Variants in CUL5 observed in about 807,000 individuals in gnomAD.
The protein encoded by CUL5 is cullin 5.
In CUL5, 26 loss-of-function variants were observed where a neutral mutation model predicts 108.8. The observed-to-expected ratio is 0.24, with a 90% CI of 0.18 to 0.33. CUL5 has a LOEUF of 0.33. CUL5 is among the 10% of genes least tolerant of loss of function. The pLI, the probability that CUL5 is intolerant of heterozygous loss-of-function variation, is 1.00. For synonymous variants in CUL5, 334 were observed against 298.0 expected, an observed-to-expected ratio of 1.12 and a Z score of -1.25; for missense variants, 524 against 909.2, an observed-to-expected ratio of 0.58 and a Z score of 5.45.
chr11:108,099,582 A>G (rs1220757119), intron 18 of CUL5, among the ~76,000 whole-genome samples: 1 of 152,176 alleles, frequency 6.6e-6, no homozygotes, highest in East Asian at 1.9e-4. Context: ...TTTTGTTGCT[A>G]AAATTTTTAG....
chr11:108,020,546 T>G (rs902746718), intron 1 of CUL5, among the ~76,000 whole-genome samples: 4 of 148,740 alleles, frequency 2.7e-5, no homozygotes, highest in African/African-American at 7.3e-5. Flanking sequence ...TTTTTTTTTT[T>G]TTGTTTTTTG....
At chr11:108,069,492 C>T (rs1863769497) in intron 7 of CUL5, among the ~76,000 whole-genome samples, 1 of 152,096 alleles carries the variant, frequency 6.6e-6, no homozygotes, top group Admixed American at 6.5e-5. Context: ...TAGATACCAA[C>T]TTGTGGATGA....
intron 12 of CUL5, among the ~76,000 whole-genome samples, 157 bp from the exon 13 acceptor site, chr11:108,089,335 A>G (rs564922517): frequency 2.3e-4 from 35 of 152,284 alleles, no homozygotes; most frequent in African/African-American, 8.4e-4. Flanking sequence ...GTGTATCAGG[A>G]CTGGGTATTT....
intron 3 of CUL5, 21 bp from the exon 4 acceptor site, chr11:108,049,869 T>C (rs1863167324): frequency 6.3e-7 from 1 of 1,581,916 alleles, no homozygotes. Context: ...TATTTCAAAT[T>C]GGTACACCTC....
chr11:108,062,532 T>A (rs1052459918), intron 7 of CUL5, among the ~76,000 whole-genome samples: 7 of 148,380 alleles, frequency 4.7e-5, no homozygotes, highest in African/African-American at 1.7e-4. Context: ...TTAAATATAA[T>A]TATAAATATA....
At chr11:108,031,316 G>A (rs1051806571) in intron 1 of CUL5, among the ~76,000 whole-genome samples, 5 of 149,316 alleles carry the variant, frequency 3.3e-5, no homozygotes, top group African/African-American at 1.2e-4. Flanking sequence ...AGTGAGCCAA[G>A]ATTATGCCAC....
chr11:108,026,293 A>G (rs76890945), intron 1 of CUL5, among the ~76,000 whole-genome samples: 14 of 152,092 alleles, frequency 9.2e-5, no homozygotes, highest in Admixed American at 3.9e-4. Context: ...CCTTAAATCC[A>G]TGACCACAAT....
At chr11:108,016,232 TTTCTC>T (rs149084814) in intron 1 of CUL5, among the ~76,000 whole-genome samples, 12,483 of 151,402 alleles carry the variant, frequency 0.082, 1,166 homozygotes, top group African/African-American at 0.23. Context: ...AGGTTTTTCT[TTTCTC>T]TTCTCTTCTC....
chr11:108,073,498 G>GTA lies in CUL5; in HGVS notation c.1113+7_1113+8dup, dbSNP rs1455349783. The GTA allele has an allele frequency of 1.4e-6, 2 of 1,436,854 alleles. No homozygotes were observed. The highest frequency in any genetic ancestry group is 1.4e-5 in the African/African-American group (1 of 69,970). The allele number at this position is 1,436,854 out of a possible 1,614,324, so 89.0% of individuals were successfully genotyped here. ...ACGATTTCTTACTGCAAGAGATAAGGTATATATTCCTATATATATAAAAAA... is the reference window on the plus strand; with the variant it reads ...ACGATTTCTTACTGCAAGAGATAAGGTATATATATTCCTATATATATAAAAAA... On this transcript the variant is annotated splice_donor_variant, in intron 10 of 18. Transcript: ENST00000393094. LOFTEE classifies it high-confidence loss of function.
chr11:108,048,958 C>T (rs1490901528), intron 3 of CUL5, among the ~76,000 whole-genome samples: 2 of 151,706 alleles, frequency 1.3e-5, no homozygotes, highest in East Asian at 3.9e-4. Context: ...AGCCACCGCA[C>T]CTGCCGTGAC....
At chr11:108,089,738 TAAG>T (rs1296554412) in intron 13 of CUL5, 115 bp downstream of exon 13, 1 of 618,626 alleles carries the variant, frequency 1.6e-6, no homozygotes, top group Non-Finnish European at 2.5e-6. Flanking sequence ...AAACATTTTA[TAAG>T]AATATAGCGT....
chr11:108,095,230 C>T (rs1343283139), intron 15 of CUL5, among the ~76,000 whole-genome samples: 3 of 152,148 alleles, frequency 2.0e-5, no homozygotes. Flanking sequence ...TTCCTGGCAA[C>T]AGAAAGCAAA....
In CUL5 at chr11:108,100,150, T is replaced by TA. The variant is rs200023147; in HGVS notation, c.2148+1629dup. ...AGAATGATTGAGAAACTTAAAAAAA[T>TA]AAAAAAAAGGTGGTAGTGGTGGAAC... On this transcript the variant is annotated intron_variant, in intron 18 of 18. Transcript: ENST00000393094. 4.2e-3 allele frequency among the ~76,000 whole-genome samples: 635 copies of TA among 151,124 alleles called. 7 individuals carry two copies. Among genetic ancestry groups the TA allele is most frequent in the African/African-American group, 0.014 (593 of 41,312 alleles).
chr11:108,018,185 T>A (rs1862248266), intron 1 of CUL5, among the ~76,000 whole-genome samples: 1 of 152,218 alleles, frequency 6.6e-6, no homozygotes, highest in Non-Finnish European at 1.5e-5. Context: ...CTGAATGATC[T>A]GCATTCTAAG....
chr11:108,057,187 A>G (rs118029055), intron 7 of CUL5, among the ~76,000 whole-genome samples: 2 of 152,198 alleles, frequency 1.3e-5, no homozygotes, highest in Non-Finnish European at 2.9e-5. Flanking sequence ...ACGTGCCACT[A>G]CACCTGGCTA....
At chr11:108,095,414 G>A (rs890282349) in intron 15 of CUL5, 116 bp from the exon 16 acceptor site, 3 of 678,136 alleles carry the variant, frequency 4.4e-6, no homozygotes, top group Non-Finnish European at 7.3e-6. Flanking sequence ...GTTTATTACT[G>A]TGAAAGAGTG....
At chr11:108,067,131 A>G (rs1214768965) in intron 7 of CUL5, among the ~76,000 whole-genome samples, 1 of 152,234 alleles carries the variant, frequency 6.6e-6, no homozygotes, top group African/African-American at 2.4e-5. Context: ...CTCTCAGTCT[A>G]TGTCCTCATA....
intron 11 of CUL5, among the ~76,000 whole-genome samples, chr11:108,084,530 T>C (rs1247806070): frequency 6.6e-6 from 1 of 152,214 alleles, no homozygotes; most frequent in African/African-American, 2.4e-5. Context: ...CTGATTCCCT[T>C]TCATAGCAAA....
At chr11:108,099,784 C>T (rs1008142550) in intron 18 of CUL5, among the ~76,000 whole-genome samples, 4 of 152,092 alleles carry the variant, frequency 2.6e-5, no homozygotes, top group African/African-American at 7.2e-5. Context: ...CTTAGTTCTG[C>T]CAGTTCTAGG....
Sources: gnomAD v4.1 joint callset for allele counts (sites outside exome capture counted in the v4.1 genomes callset) on GRCh38, gnomAD v4.1.1 for gene constraint, MANE v1.5 for transcripts, NCBI Gene and HGNC (gene_info 2026-07-23, HGNC 2026-07-21) for gene names.